CDHR3: variants seen among roughly 807,000 people sequenced by gnomAD.
CDHR3 encodes cadherin related family member 3.
Under a neutral mutation model 86.6 loss-of-function variants are expected in CDHR3, and 79 were observed. The ratio of observed to expected loss-of-function variants is 0.91; its 90% CI spans 0.76 to 1.10. CDHR3 has a LOEUF of 1.10. Ranked by LOEUF, CDHR3 falls within the 50% of genes least tolerant of loss-of-function variation. The pLI is 0.00. For synonymous variants in CDHR3, 421 were observed against 402.4 expected (o/e 1.05, Z -0.55); for missense variants, 1,081 against 1,077.6 (o/e 1.00, Z -0.04).
chr7:105,963,455 C>T, intron 1 of CDHR3, 91 bp downstream of exon 1: 1 of 1,367,762 alleles, frequency 7.3e-7, no homozygotes, highest in South Asian at 1.2e-5. Flanking sequence ...AGGAAATTGC[C>T]CCTGGGAGGC....
intron 1 of CDHR3, among the ~76,000 whole-genome samples, chr7:105,974,255 C>G (rs1202900553): frequency 6.6e-6 from 1 of 152,210 alleles, no homozygotes; most frequent in Non-Finnish European, 1.5e-5. Flanking sequence ...GGTTGTTAAT[C>G]TACCAACCAA....
At chr7:106,020,620 C>G (rs1409794024) in intron 13 of CDHR3, 76 bp downstream of exon 13, 2 of 1,498,714 alleles carry the variant, frequency 1.3e-6, no homozygotes, top group African/African-American at 2.8e-5. Flanking sequence ...GGTCTGTGCT[C>G]ACACACTGAT....
intron 4 of CDHR3, among the ~76,000 whole-genome samples, chr7:105,986,193 A>G (rs1830500268): frequency 6.6e-6 from 1 of 152,226 alleles, no homozygotes. Context: ...GACTTCTGCT[A>G]TATCTCACTG....
chr7:105,969,212 C>T (rs1333170943), intron 1 of CDHR3, among the ~76,000 whole-genome samples: 4 of 149,684 alleles, frequency 2.7e-5, no homozygotes, highest in Admixed American at 6.7e-5. Flanking sequence ...CTGGCTAACA[C>T]GGTGAAACCC....
chr7:105,986,797 G>A (rs1430635274), intron 4 of CDHR3, among the ~76,000 whole-genome samples: 1 of 152,142 alleles, frequency 6.6e-6, no homozygotes, highest in Non-Finnish European at 1.5e-5. Flanking sequence ...AGGGGTGGTA[G>A]GTCAGAGAAT....
intron 6 of CDHR3, among the ~76,000 whole-genome samples, chr7:106,000,990 C>T (rs567544271): frequency 6.6e-6 from 1 of 151,794 alleles, no homozygotes; most frequent in Admixed American, 6.6e-5. Flanking sequence ...CTTCTGGTGG[C>T]AGCCATGGGA....
intron 4 of CDHR3, among the ~76,000 whole-genome samples, chr7:105,993,960 A>G (rs1831794011): frequency 6.6e-6 from 1 of 152,136 alleles, no homozygotes; most frequent in Non-Finnish European, 1.5e-5. Context: ...ACTCTCAACT[A>G]CCCAAAGATG....
intron 1 of CDHR3, among the ~76,000 whole-genome samples, chr7:105,968,766 C>G (rs1827382107): frequency 6.6e-6 from 1 of 152,208 alleles, no homozygotes; most frequent in Non-Finnish European, 1.5e-5. Flanking sequence ...ACACTGACCC[C>G]TAGTCAAGGC....
chr7:106,006,216 A>C (rs1227437607), intron 8 of CDHR3, among the ~76,000 whole-genome samples: 1 of 152,142 alleles, frequency 6.6e-6, no homozygotes, highest in African/African-American at 2.4e-5. Context: ...TCCTCCTACC[A>C]GGTCCCTCCC....
chr7:106,025,875 TAA>T (rs910554762), intron 15 of CDHR3, among the ~76,000 whole-genome samples: 1 of 152,070 alleles, frequency 6.6e-6, no homozygotes, highest in Non-Finnish European at 1.5e-5. Context: ...TTGATTTTTT[TAA>T]AAAAAAACAG....
intron 3 of CDHR3, 63 bp downstream of exon 3, chr7:105,981,196 C>T: frequency 6.8e-7 from 1 of 1,476,422 alleles, no homozygotes; most frequent in Non-Finnish European, 9.2e-7. Context: ...CCCTGGGGGA[C>T]AGAGAGAAAC....
Position 106,017,067 on chromosome 7 carries a change from A to G in CDHR3, c.1427-779A>G, listed in dbSNP as rs566197901. Among the ~76,000 whole-genome samples the G allele has an allele frequency of 3.9e-5, 6 of 152,370 alleles. No homozygotes were observed. The South Asian group carries it at 1.2e-3, about 32-fold the overall frequency. On this transcript the variant is annotated intron_variant, in intron 11 of 18. Coordinates refer to ENST00000317716, the MANE Select transcript of CDHR3 (RefSeq NM_152750.5). ...AAAATGGAAGAGGATTTAAAAATCTATAATCTGTAATCATCAATTACTAAA... is the reference window on the plus strand; with the variant it reads ...AAAATGGAAGAGGATTTAAAAATCTGTAATCTGTAATCATCAATTACTAAA...
intron 17 of CDHR3, 42 bp downstream of exon 17, chr7:106,028,624 G>A (rs1266290533): frequency 1.2e-5 from 20 of 1,610,606 alleles, no homozygotes; most frequent in Admixed American, 8.3e-5. Flanking sequence ...AGACGCTGGG[G>A]GATAGGGGCT....
chr7:106,029,648 T>C (rs116749495), intron 17 of CDHR3, among the ~76,000 whole-genome samples: 1,934 of 151,628 alleles, frequency 0.013, 30 homozygotes, highest in African/African-American at 0.045. Context: ...CTCCAGCTCT[T>C]CCCTACCCCC....
At chr7:106,005,591 G>T (rs1833837152) in intron 8 of CDHR3, among the ~76,000 whole-genome samples, 3 of 152,184 alleles carry the variant, frequency 2.0e-5, no homozygotes, top group African/African-American at 4.8e-5. Flanking sequence ...AGCTCCAGAT[G>T]TCCCCATGGG....
At chr7:106,019,387 TG>T (rs1479429840) in intron 12 of CDHR3, among the ~76,000 whole-genome samples, 2 of 142,928 alleles carry the variant, frequency 1.4e-5, no homozygotes, top group African/African-American at 5.3e-5. Flanking sequence ...TTTGTTAGGC[TG>T]TTTTTTTTTT....
chr7:105,974,337 T>C (rs1185971880), intron 1 of CDHR3, among the ~76,000 whole-genome samples: 1 of 152,214 alleles, frequency 6.6e-6, no homozygotes, highest in Non-Finnish European at 1.5e-5. Flanking sequence ...TTGAGATTAC[T>C]AATGGACTTG....
chr7:105,965,574 C>CCT (rs1554507778), intron 1 of CDHR3, among the ~76,000 whole-genome samples: 3 of 121,654 alleles, frequency 2.5e-5, no homozygotes, highest in Non-Finnish European at 1.8e-5. Context: ...CCCACCCCCC[C>CCT]CCATGGAGTC....
chr7:106,026,765 C>G lies in CDHR3; in HGVS notation c.2272+70C>G, dbSNP rs1837414447. ...TCTGTTGTGCTACGTAAAAAGGTTC[C>G]TACTCGGCAAAGAATCAGGCCGCGA... On this transcript the variant is annotated intron_variant, in intron 16 of 18. Coordinates refer to ENST00000317716, the MANE Select transcript of CDHR3 (RefSeq NM_152750.5). 3.3e-6 allele frequency: 5 copies of G among 1,519,278 alleles called. No individual in the cohort carries two copies. In the South Asian group the frequency reaches 4.5e-5, roughly 14 times the overall value. 94.1% of individuals were successfully genotyped at this position (1,519,278 alleles called of 1,614,324 possible).
Sources: allele counts gnomAD v4.1 joint callset (sites outside exome capture counted in the v4.1 genomes callset), GRCh38; gene constraint gnomAD v4.1.1; transcripts MANE v1.5; gene names NCBI Gene and HGNC (gene_info 2026-07-23, HGNC 2026-07-21).